Variants in SOX5 observed in about 807,000 individuals in gnomAD.
SOX5 encodes transcription factor SOX-5.
SOX5 carries 9 observed loss-of-function variants against 92.0 expected under a neutral mutation model. The observed-to-expected ratio is 0.10, with a 90% CI of 0.06 to 0.17. The LOEUF is 0.17. Among genes scored for constraint, SOX5 ranks in the 10% least tolerant of loss-of-function variants. The pLI, the probability that SOX5 is intolerant of heterozygous loss-of-function variation, is 1.00. For synonymous variants in SOX5, 344 were observed against 336.3 expected (o/e 1.02, Z -0.25); for missense variants, 642 against 944.5 (o/e 0.68, Z 4.20).
chr12:23,833,308 T>C (rs1052977248), intron 3 of SOX5, among the ~76,000 whole-genome samples: 1 of 151,488 alleles, frequency 6.6e-6, no homozygotes, highest in South Asian at 2.1e-4. Flanking sequence ...GATCCAATAA[T>C]AAAATTGCCC....
At chr12:24,009,084 T>A (rs1203000464) in intron 4 of SOX5, among the ~76,000 whole-genome samples, 1 of 152,148 alleles carries the variant, frequency 6.6e-6, no homozygotes, top group African/African-American at 2.4e-5. Context: ...ATTACAGCCA[T>A]CCCAGCAGAC....
intron 4 of SOX5, among the ~76,000 whole-genome samples, chr12:23,962,355 C>G (rs552311612): frequency 1.3e-5 from 2 of 152,164 alleles, no homozygotes; most frequent in South Asian, 4.1e-4. Context: ...CCTCCCTCAC[C>G]CCATGTAAAC....
At chr12:24,280,851 A>G (rs973255793) in intron 2 of SOX5, among the ~76,000 whole-genome samples, 62 of 151,948 alleles carry the variant, frequency 4.1e-4, no homozygotes, top group African/African-American at 1.4e-3. Context: ...TTAGCATAAT[A>G]CATTGGTAAC....
At chr12:24,368,976 C>T (rs1204384200) in intron 1 of SOX5, among the ~76,000 whole-genome samples, 2 of 152,216 alleles carry the variant, frequency 1.3e-5, no homozygotes, top group East Asian at 1.9e-4. Context: ...GGTTCCACCA[C>T]ACTATATATA....
chr12:23,863,649 G>A (rs1209469893), intron 2 of SOX5, among the ~76,000 whole-genome samples: 1 of 151,950 alleles, frequency 6.6e-6, no homozygotes, highest in Non-Finnish European at 1.5e-5. Context: ...TGATACTCTA[G>A]TTTGGTTTCC....
intron 1 of SOX5, among the ~76,000 whole-genome samples, chr12:24,510,689 C>T (rs994637768): frequency 6.6e-6 from 1 of 152,192 alleles, no homozygotes; most frequent in African/African-American, 2.4e-5. Flanking sequence ...TCAAAATCCA[C>T]AGGTGATTAT....
chr12:23,856,113 A>G (rs1447422052), intron 2 of SOX5, among the ~76,000 whole-genome samples: 1 of 152,112 alleles, frequency 6.6e-6, no homozygotes, highest in Non-Finnish European at 1.5e-5. Context: ...CAACTAGCCA[A>G]ATTACTTATT....
intron 1 of SOX5, among the ~76,000 whole-genome samples, chr12:24,500,949 A>G (rs1297894267): frequency 6.6e-6 from 1 of 152,200 alleles, no homozygotes; most frequent in Non-Finnish European, 1.5e-5. Flanking sequence ...TCTATAACCA[A>G]TGCACCCTCC....
At chr12:23,599,300 G>T (rs925575705) in intron 9 of SOX5, among the ~76,000 whole-genome samples, 8 of 152,194 alleles carry the variant, frequency 5.3e-5, no homozygotes, top group African/African-American at 1.7e-4. Flanking sequence ...TGGTCAGCTG[G>T]TTAGGGCCAT....
chr12:24,133,334 T>C (rs1285638811), intron 4 of SOX5, among the ~76,000 whole-genome samples: 1 of 152,206 alleles, frequency 6.6e-6, no homozygotes, highest in Non-Finnish European at 1.5e-5. Flanking sequence ...AACTGTCCTA[T>C]TGGCTCTGGC....
At chr12:24,289,508 C>T (rs1201034705) in intron 2 of SOX5, among the ~76,000 whole-genome samples, 2 of 115,298 alleles carry the variant, frequency 1.7e-5, no homozygotes, top group East Asian at 4.9e-4. Flanking sequence ...GGCTGGAGTG[C>T]AGTGGCGGGA....
In SOX5 at chr12:24,007,786, TACGC is replaced by T. The variant is rs1258069311; in HGVS notation, c.-1-111766_-1-111763del. ...ATATAAATGTATTTATATATACACA[TACGC>T]ACGCACACACACACACACACACACA... On this transcript the variant is annotated intron_variant, in intron 4 of 4. Coordinates refer to the SOX5 transcript ENST00000446891. Among the ~76,000 whole-genome samples the T allele has an allele frequency of 2.1e-4, 5 of 23,610 alleles. 2 individuals are homozygous for T. Among genetic ancestry groups the T allele is most frequent in the African/African-American group, 4.4e-4 (5 of 11,398 alleles). The allele number at this position is 23,610 out of a possible 152,430, so 15.5% of individuals were successfully genotyped here. A position where few individuals can be genotyped will look rare whatever the true frequency, so the allele number is the denominator to read the frequency against.
intron 11 of SOX5, among the ~76,000 whole-genome samples, chr12:23,558,273 G>A (rs1426908181): frequency 6.6e-6 from 1 of 152,160 alleles, no homozygotes; most frequent in Non-Finnish European, 1.5e-5. Context: ...TCAATTTAAA[G>A]TAGTCTCTTT....
chr12:24,497,070 G>T (rs1947713858), intron 1 of SOX5, among the ~76,000 whole-genome samples: 2 of 152,220 alleles, frequency 1.3e-5, no homozygotes, highest in Middle Eastern at 6.8e-3. Flanking sequence ...AGGCTGCAAG[G>T]TATATTTACA....
At chr12:23,932,111 A>G (rs1941564225) in intron 1 of SOX5, among the ~76,000 whole-genome samples, 1 of 151,568 alleles carries the variant, frequency 6.6e-6, no homozygotes. Flanking sequence ...CTTGGTAGGT[A>G]CTTACTTCTG....
At chr12:24,018,468 G>C (rs1953918063) in intron 4 of SOX5, among the ~76,000 whole-genome samples, 1 of 152,088 alleles carries the variant, frequency 6.6e-6, no homozygotes, top group Non-Finnish European at 1.5e-5. Flanking sequence ...GCATAAGTTG[G>C]AAATGAGACT....
intron 3 of SOX5, among the ~76,000 whole-genome samples, chr12:23,767,822 CATATAT>C (rs5797038): frequency 7.7e-4 from 116 of 149,860 alleles, no homozygotes; most frequent in Admixed American, 1.4e-3. Flanking sequence ...TATCTTCACT[CATATAT>C]ATATATATAT....
chr12:23,641,294 A>G (rs991285038), intron 7 of SOX5, among the ~76,000 whole-genome samples: 1 of 152,212 alleles, frequency 6.6e-6, no homozygotes, highest in Admixed American at 6.5e-5. Context: ...TTTTATTTTA[A>G]TGAATTAAAC....
At chr12:23,576,857 TCAA>T (rs1949195921) in intron 9 of SOX5, among the ~76,000 whole-genome samples, 1 of 152,082 alleles carries the variant, frequency 6.6e-6, no homozygotes, top group Admixed American at 6.6e-5. Context: ...TGTTTATTTA[TCAA>T]CGTTTACAAT....
Sources: allele counts gnomAD v4.1 joint callset (sites outside exome capture counted in the v4.1 genomes callset), GRCh38; gene constraint gnomAD v4.1.1; transcripts MANE v1.5; gene names NCBI Gene and HGNC (gene_info 2026-07-23, HGNC 2026-07-21).